RELT: variants seen among roughly 807,000 people sequenced by gnomAD.
RELT encodes RELT TNF receptor, also known as tumor necrosis factor receptor superfamily member 19L.
A neutral mutation model predicts 51.1 loss-of-function variants in RELT; 37 were observed. That is an observed-to-expected ratio of 0.72 (90% CI 0.56 to 0.95). The LOEUF is 0.95. Among genes scored for constraint, RELT ranks in the 40% least tolerant of loss-of-function variants. The pLI is 0.00. For synonymous variants in RELT, 241 were observed against 235.7 expected, an observed-to-expected ratio of 1.02 and a Z score of -0.21; for missense variants, 535 against 572.6, an observed-to-expected ratio of 0.93 and a Z score of 0.67.
At position 73,395,645 on chromosome 11, in the gene RELT, T is replaced by C. The variant is rs7101831; in HGVS notation, c.*154T>C. 178,208 of 669,572 alleles carry C rather than the reference T, an allele frequency of 0.27. 28,903 individuals are homozygous for C. The highest frequency in any genetic ancestry group is 0.6 in the African/African-American group (34,046 of 56,768). The allele number at this position is 669,572 out of a possible 1,614,324, so 41.5% of individuals were successfully genotyped here. On this transcript the variant is annotated 3_prime_UTR_variant, in exon 11 of 11. Transcript: ENST00000064780. ...ACCAAGGCCTGGAGGTGGGAGCGTC[T>C]GCCCCAGTGAGGAGGCAGGTGGCCG...
intron 2 of RELT, among the ~76,000 whole-genome samples, chr11:73,389,992 C>T (rs941425190): frequency 1.3e-5 from 2 of 152,172 alleles, no homozygotes; most frequent in African/African-American, 2.4e-5. Flanking sequence ...TTTTGGGATG[C>T]GTCTCCCTGT....
intron 7 of RELT, 43 bp downstream of exon 7, chr11:73,393,960 G>A (rs1866263151): frequency 6.3e-7 from 1 of 1,581,960 alleles, no homozygotes; most frequent in African/African-American, 1.3e-5. Flanking sequence ...CAGGAGAGGA[G>A]GGTTTCCTCC....
rs558099761 is a variant in RELT, at chr11:73,390,332, T to A, written c.46-219T>A. 3.9e-5 allele frequency among the ~76,000 whole-genome samples: 6 copies of A among 152,234 alleles called. No individual in the cohort carries two copies. The South Asian group carries it at 6.2e-4, about 16-fold the overall frequency. On this transcript the variant is annotated intron_variant, in intron 2 of 10. Coordinates refer to ENST00000064780, the MANE Select transcript of RELT (RefSeq NM_152222.2). The stretch of plus-strand genomic sequence containing the variant: ...AGCACTTTCCAGAGCCAGATGTGGC[T>A]CTCTCCTTGCCCAGGTACTGGTCTT...
chr11:73,384,897 T>C (rs996851825), intron 1 of RELT, among the ~76,000 whole-genome samples: 5 of 151,844 alleles, frequency 3.3e-5, no homozygotes, highest in Non-Finnish European at 7.4e-5. Flanking sequence ...CAGGAGGAAG[T>C]GACTTCGAGC....
At chr11:73,380,734 C>A (rs544424041) in intron 1 of RELT, among the ~76,000 whole-genome samples, 1 of 152,224 alleles carries the variant, frequency 6.6e-6, no homozygotes, top group Admixed American at 6.5e-5. Context: ...GTTATGGGGC[C>A]AGCCCTTCTG....
chr11:73,389,249 G>A, intron 2 of RELT, 68 bp downstream of exon 2: 1 of 1,146,616 alleles, frequency 8.7e-7, no homozygotes, highest in Non-Finnish European at 1.2e-6. Flanking sequence ...TCCAGCAAGA[G>A]GGTGCAGACA....
At chr11:73,384,405 C>T (rs930625421) in intron 1 of RELT, 2 of 152,198 alleles carry the variant, frequency 1.3e-5, no homozygotes, top group Non-Finnish European at 2.9e-5. Flanking sequence ...AGGCACTGAA[C>T]GTAAATAAAA....
At chr11:73,386,929 G>A (rs185134581) in intron 1 of RELT, among the ~76,000 whole-genome samples, 46 of 151,942 alleles carry the variant, frequency 3.0e-4, no homozygotes, top group Admixed American at 2.2e-3. Flanking sequence ...GGTTGGTCAC[G>A]GTTCCCCCTG....
rs953328379 is a variant in RELT at position 73,397,097 on chromosome 11, C to T, written c.*1606C>T. 1.3e-5 allele frequency: 2 copies of T among 152,224 alleles called. No homozygotes were observed. The highest frequency in any genetic ancestry group is 2.9e-5 in the Non-Finnish European group (2 of 68,040). The allele number at this position is 152,224 out of a possible 1,614,324, so 9.4% of individuals were successfully genotyped here. A position where few individuals can be genotyped will look rare whatever the true frequency, so the allele number is the denominator to read the frequency against. On this transcript the variant is annotated 3_prime_UTR_variant, in exon 11 of 11. Transcript: ENST00000064780. ...TTCAAGGGCTCCATAGCCACGTGGC[C>T]AGCAGCTACCACACTGGTCAGCGCA...
Position 73,395,727 on chromosome 11 carries a change from G to C in RELT, c.*236G>C, listed in dbSNP as rs1866309181. 1 of 576,804 alleles carries C rather than the reference G, an allele frequency of 1.7e-6. No individual in the cohort carries two copies. The highest frequency in any genetic ancestry group is 3.0e-5 in the Admixed American group (1 of 32,900). 35.7% of individuals were successfully genotyped at this position (576,804 alleles called of 1,614,324 possible). A position where few individuals can be genotyped will look rare whatever the true frequency, so the allele number is the denominator to read the frequency against. On this transcript the variant is annotated 3_prime_UTR_variant, in exon 11 of 11. Transcript: ENST00000064780. ...CCGCCCCTGGCCCTGCTGCCATGTT[G>C]CTCCCCTGAAGGATGCCCCGACCCC...
At chr11:73,383,191 GGGCTGT>G (rs1458855694) in intron 1 of RELT, among the ~76,000 whole-genome samples, 1 of 152,192 alleles carries the variant, frequency 6.6e-6, no homozygotes. Context: ...TGGCTGCCCA[GGGCTGT>G]GGGAGGGGGC....
At position 73,388,982 on chromosome 11, in the gene RELT, G is replaced by A. The variant is rs1036537812; in HGVS notation, c.-25-130G>A. ...TTGCGGGTGTGGAGCCGGCCTCCCC[G>A]GGCTCTGCCTGCCCAGCAGCACCTT... On this transcript the variant is annotated intron_variant, in intron 1 of 10. Transcript: ENST00000064780. This position sits in a 1 kb window ranked among gnomAD's most constrained non-coding sequence, Gnocchi z 4.1. 16 of 635,110 alleles carry A rather than the reference G, an allele frequency of 2.5e-5. No homozygotes were observed. Among genetic ancestry groups the A allele is most frequent in the African/African-American group, 1.5e-4 (8 of 54,312 alleles). 39.3% of individuals were successfully genotyped at this position (635,110 alleles called of 1,614,324 possible). A position where few individuals can be genotyped will look rare whatever the true frequency, so the allele number is the denominator to read the frequency against.
chr11:73,393,168 C>A (rs984827116), intron 6 of RELT: 2 of 1,001,398 alleles, frequency 2.0e-6, no homozygotes, highest in South Asian at 8.4e-5. Flanking sequence ...TAAGTCCTGA[C>A]ACTGAAGTCT....
chr11:73,390,978 C>A, intron 4 of RELT, 57 bp downstream of exon 4: 1 of 1,590,280 alleles, frequency 6.3e-7, no homozygotes, highest in South Asian at 1.1e-5. Flanking sequence ...ACTCTGGATC[C>A]TGGGGCCCCA....
intron 5 of RELT, 27 bp downstream of exon 5, chr11:73,391,250 G>T: frequency 6.2e-7 from 1 of 1,602,672 alleles, no homozygotes; most frequent in Admixed American, 1.7e-5. Context: ...GGCTAGGACT[G>T]GTGCAGGGGT....
chr11:73,379,256 G>A (rs1866014761), intron 1 of RELT, among the ~76,000 whole-genome samples: 1 of 152,190 alleles, frequency 6.6e-6, no homozygotes, highest in South Asian at 2.1e-4. Flanking sequence ...CTGGGAGGGG[G>A]AGCAAGAGGA....
chr11:73,393,235 CAG>C (rs1866248363), intron 6 of RELT: 10 of 1,003,324 alleles, frequency 1.0e-5, no homozygotes, highest in Non-Finnish European at 1.2e-5. Flanking sequence ...CGTGGTGACT[CAG>C]GGCCATTTTG....
chr11:73,377,269 A>AGTGTGT (rs369117500), intron 1 of RELT, among the ~76,000 whole-genome samples: 99 of 146,178 alleles, frequency 6.8e-4, no homozygotes, highest in African/African-American at 2.2e-3. Context: ...AAGTGGTGTC[A>AGTGTGT]GTGTGTGTGT....
chr11:73,392,335 G>T lies in RELT; in HGVS notation c.492G>T (p.Ala164=), dbSNP rs201371559. The T allele has an allele frequency of 1.2e-6, 2 of 1,613,756 alleles. No individual in the cohort carries two copies. The highest frequency in any genetic ancestry group is 3.3e-5 in the Admixed American group (2 of 60,016). ...GGPEETAAQY[A]VIAIVPVFCL... ...CAGAGGAGACAGCCGCCCAGTACGC[G>T]GTCATCGCCATCGTCCCTGTCTTCT... The change falls in exon 6 of 11, where the codon GCG becomes GCT. Residue 164 remains alanine, a synonymous_variant. Transcript: ENST00000064780.
Sources: gnomAD v4.1 joint callset for allele counts (sites outside exome capture counted in the v4.1 genomes callset) on GRCh38, gnomAD v4.1.1 for gene constraint, Gnocchi (gnomAD v3.1) non-coding constraint, MANE v1.5 for transcripts, NCBI Gene and HGNC (gene_info 2026-07-23, HGNC 2026-07-21) for gene names.